TESK2: variants seen among roughly 807,000 people sequenced by gnomAD.
TESK2 encodes testis associated actin remodelling kinase 2, also known as dual specificity testis-specific protein kinase 2.
TESK2 carries 39 observed loss-of-function variants against 57.1 expected under a neutral mutation model. That is an observed-to-expected ratio of 0.68 (90% CI 0.53 to 0.89). The LOEUF (loss-of-function observed/expected upper bound fraction) is 0.89, where lower values mean the gene tolerates loss of function less well. Ranked by LOEUF, TESK2 falls within the 40% of genes least tolerant of loss-of-function variation. The pLI is 0.00. For synonymous variants in TESK2, 249 were observed against 267.9 expected, an observed-to-expected ratio of 0.93 and a Z score of 0.69; for missense variants, 646 against 732.1, an observed-to-expected ratio of 0.88 and a Z score of 1.36.
chr1:45,459,604 G>A (rs1328060850), intron 1 of TESK2, among the ~76,000 whole-genome samples: 3 of 152,196 alleles, frequency 2.0e-5, no homozygotes, highest in Non-Finnish European at 4.4e-5. Context: ...CACTTTGGGA[G>A]GCCAAGGCAA....
chr1:45,357,465 A>G (rs1316902778), intron 4 of TESK2, among the ~76,000 whole-genome samples: 1 of 151,920 alleles, frequency 6.6e-6, no homozygotes, highest in Non-Finnish European at 1.5e-5. Context: ...AACAGAGGAA[A>G]GAGTAGCAGA....
intron 4 of TESK2, among the ~76,000 whole-genome samples, chr1:45,365,244 A>G (rs1176264491): frequency 6.6e-6 from 1 of 152,132 alleles, no homozygotes; most frequent in East Asian, 1.9e-4. Context: ...ACAAGCGTAC[A>G]TCCGTATATC....
At chr1:45,414,255 C>A (rs1221861847) in intron 3 of TESK2, among the ~76,000 whole-genome samples, 1 of 152,046 alleles carries the variant, frequency 6.6e-6, no homozygotes, top group East Asian at 1.9e-4. Flanking sequence ...AAAAGTAATC[C>A]ATTTCAGGCT....
chr1:45,485,529 T>A (rs1205163268), intron 1 of TESK2, among the ~76,000 whole-genome samples: 72 of 148,920 alleles, frequency 4.8e-4, no homozygotes, highest in African/African-American at 1.5e-3. Context: ...TTTTATTTTT[T>A]TTTTTTTGAG....
chr1:45,348,909 A>G lies in TESK2; in HGVS notation c.541-909T>C, dbSNP rs1002474936. On this transcript the variant is annotated intron_variant, in intron 5 of 10. Coordinates refer to ENST00000372086, the MANE Select transcript of TESK2 (RefSeq NM_007170.3). ...AGACAGGCTGAGAACATGCTCACTG[A>G]AAAAATGCTGTCTTCAGGTCAACCC... is the stretch of plus-strand genomic sequence containing the variant. Among the ~76,000 whole-genome samples, 3 of 152,058 alleles carry G rather than the reference A, an allele frequency of 2.0e-5. No homozygotes were observed. In the South Asian group the frequency reaches 6.2e-4, roughly 32 times the overall value.
At chr1:45,433,673 T>G (rs1481212986) in intron 2 of TESK2, among the ~76,000 whole-genome samples, 2 of 152,212 alleles carry the variant, frequency 1.3e-5, no homozygotes, top group African/African-American at 2.4e-5. Flanking sequence ...ATTTTCTTTT[T>G]CCACTTATCC....
rs1269218816 is a variant in TESK2, at chr1:45,396,780, C to T, written c.345-10820G>A. ...CTGGGATTACAGGCATGAGCCACCA[C>T]GCCCGGCCTGGTATCAGCTAAGTTG... is the stretch of plus-strand genomic sequence containing the variant. On this transcript the variant is annotated intron_variant, in intron 3 of 10. Transcript: ENST00000372086. Among the ~76,000 whole-genome samples, 24 of 150,604 alleles carry T rather than the reference C, an allele frequency of 1.6e-4. 1 individual carries two copies. In the South Asian group the frequency reaches 2.1e-3, roughly 13 times the overall value.
chr1:45,344,977 T>A lies in TESK2; in HGVS notation c.1579A>T (p.Arg527Trp). 1 of 1,614,270 alleles carries A rather than the reference T, an allele frequency of 6.2e-7. No homozygotes were observed. The highest frequency in any genetic ancestry group is 1.7e-5 in the Admixed American group (1 of 60,032). Residue 527 changes from arginine (R) to tryptophan (W), a missense_variant, in exon 11 of 11, where the codon AGG (arginine) becomes TGG (tryptophan). Arg to Trp is a moderately radical substitution (Grantham distance 101). Transcript: ENST00000372086. ...GGGCATGGACTGGTCCCCTGGGGCC[T>A]GGACCCAAAACCATTTTCTTCCTGG... ...ILQEENGFGS[R>W]PQGTSPCPAG...
chr1:45,414,700 C>T (rs1650168516), intron 3 of TESK2, among the ~76,000 whole-genome samples: 1 of 152,122 alleles, frequency 6.6e-6, no homozygotes, highest in Non-Finnish European at 1.5e-5. Flanking sequence ...ATGTAGGTAG[C>T]CCAGCATTAT....
At position 45,344,523 on chromosome 1, in the gene TESK2, C is replaced by A; in HGVS notation, c.*317G>T. 1 of 294,928 alleles carries A rather than the reference C, an allele frequency of 3.4e-6. No individual in the cohort carries two copies. Among genetic ancestry groups the A allele is most frequent in the Non-Finnish European group, 6.4e-6 (1 of 156,824 alleles). 18.3% of individuals were successfully genotyped at this position (294,928 alleles called of 1,614,324 possible). ...GGGGAAAGAACCGGGGTAATAGCTG[C>A]CTGCCAGCTCAGCCTAGAACTAGAC... On this transcript the variant is annotated 3_prime_UTR_variant, in exon 11 of 11. Transcript: ENST00000372086.
rs1362404377 is a variant in TESK2 at position 45,396,105 on chromosome 1, A to AT, written c.345-10146dup. Reference sequence around the variant, plus strand: ...TTCTTCACTGGGTAAATTTATTTTTATTTATTTTTATTTATTTTTATTTTG... The same window carrying AT: ...TTCTTCACTGGGTAAATTTATTTTTATTTTATTTTTATTTATTTTTATTTTG... On this transcript the variant is annotated intron_variant, in intron 3 of 10. Coordinates refer to ENST00000372086, the MANE Select transcript of TESK2 (RefSeq NM_007170.3). Among the ~76,000 whole-genome samples, 9 of 150,766 alleles carry AT rather than the reference A, an allele frequency of 6.0e-5. No individual in the cohort carries two copies. In the South Asian group the frequency reaches 6.3e-4, roughly 11 times the overall value.
chr1:45,354,577 G>A (rs1186471155), intron 5 of TESK2, among the ~76,000 whole-genome samples: 2 of 151,544 alleles, frequency 1.3e-5, no homozygotes, highest in African/African-American at 2.4e-5. Flanking sequence ...AGTGAGCCAA[G>A]ATCACTCCAT....
intron 3 of TESK2, chr1:45,398,982 TGAA>T: frequency 2.7e-5 from 2 of 74,146 alleles, no homozygotes; most frequent in South Asian, 9.9e-5. Flanking sequence ...GACTAGGACC[TGAA>T]AAAAAAAAAA....
At chr1:45,465,906 T>C (rs966915312) in intron 1 of TESK2, among the ~76,000 whole-genome samples, 22 of 151,964 alleles carry the variant, frequency 1.4e-4, no homozygotes, top group African/African-American at 5.1e-4. Flanking sequence ...TAATGTAGAG[T>C]TGGGGAGAAA....
intron 4 of TESK2, among the ~76,000 whole-genome samples, chr1:45,374,535 C>T (rs1289089777): frequency 6.6e-6 from 1 of 151,872 alleles, no homozygotes; most frequent in Non-Finnish European, 1.5e-5. Context: ...CTTAGCAGAC[C>T]CTGGCACATA....
intron 2 of TESK2, among the ~76,000 whole-genome samples, chr1:45,440,452 G>A (rs1398227453): frequency 6.6e-6 from 1 of 152,040 alleles, no homozygotes; most frequent in Non-Finnish European, 1.5e-5. Flanking sequence ...GGTGGCTCAT[G>A]CCCGTAATCC....
chr1:45,377,563 C>T (rs896284481), intron 4 of TESK2, among the ~76,000 whole-genome samples: 11 of 151,134 alleles, frequency 7.3e-5, no homozygotes, highest in Non-Finnish European at 1.0e-4. Context: ...GGATTACAAG[C>T]ATGTGCCACC....
intron 3 of TESK2, among the ~76,000 whole-genome samples, chr1:45,404,394 T>C (rs1261230318): frequency 6.6e-6 from 1 of 152,178 alleles, no homozygotes; most frequent in African/African-American, 2.4e-5. Flanking sequence ...ATAAATGTGA[T>C]GTTCCCTTCT....
At chr1:45,372,767 G>A (rs1373587976) in intron 4 of TESK2, among the ~76,000 whole-genome samples, 20 of 150,674 alleles carry the variant, frequency 1.3e-4, no homozygotes, top group South Asian at 4.2e-4. Flanking sequence ...GGCCAGGCAC[G>A]GTGGTTCATG....
Sources: gnomAD v4.1 joint callset for allele counts (sites outside exome capture counted in the v4.1 genomes callset) on GRCh38, gnomAD v4.1.1 for gene constraint, MANE v1.5 for transcripts, NCBI Gene and HGNC (gene_info 2026-07-23, HGNC 2026-07-21) for gene names.